Variants in CAMK2D observed in about 807,000 individuals in gnomAD.
The protein encoded by CAMK2D is calcium/calmodulin dependent protein kinase II delta, also known as calcium/calmodulin-dependent protein kinase type II subunit delta.
In CAMK2D, 37 loss-of-function variants were observed where a neutral mutation model predicts 84.0. The ratio of observed to expected loss-of-function variants is 0.44; its 90% CI spans 0.34 to 0.58. CAMK2D has a LOEUF of 0.58. CAMK2D is among the 20% of genes least tolerant of loss of function. CAMK2D has a pLI of 0.02. For missense variants in CAMK2D, 448 were observed against 652.5 expected (o/e 0.69, Z 3.41); for synonymous variants, 202 against 212.5 (o/e 0.95, Z 0.43).
intron 16 of CAMK2D, among the ~76,000 whole-genome samples, chr4:113,477,166 C>G (rs968724904): frequency 9.9e-5 from 15 of 152,116 alleles, no homozygotes; most frequent in Non-Finnish European, 2.2e-4. Flanking sequence ...TTGGGCTGTA[C>G]CCATGTGAAT....
chr4:113,549,765 C>G (rs1037919307), intron 5 of CAMK2D, among the ~76,000 whole-genome samples: 4 of 152,172 alleles, frequency 2.6e-5, no homozygotes, highest in African/African-American at 9.6e-5. Flanking sequence ...TAATATTATT[C>G]TAAAGAAAAA....
intron 2 of CAMK2D, among the ~76,000 whole-genome samples, chr4:113,751,265 A>G (rs1436606837): frequency 6.6e-6 from 1 of 152,168 alleles, no homozygotes; most frequent in Non-Finnish European, 1.5e-5. Flanking sequence ...TATCCAGAAC[A>G]TTGCCTCAAA....
intron 3 of CAMK2D, among the ~76,000 whole-genome samples, chr4:113,618,704 T>C (rs1005794062): frequency 1.3e-5 from 2 of 152,180 alleles, no homozygotes; most frequent in African/African-American, 4.8e-5. Context: ...TTCTCCTGGA[T>C]AATACATGCA....
intron 2 of CAMK2D, among the ~76,000 whole-genome samples, chr4:113,719,622 T>C (rs2148598007): frequency 6.6e-6 from 1 of 152,302 alleles, no homozygotes; most frequent in East Asian, 1.9e-4. Flanking sequence ...ACTAGCTAAA[T>C]ACGTATGATT....
In CAMK2D at chr4:113,744,077, C is replaced by T. The variant is rs140544155; in HGVS notation, c.160+15243G>A. ...AGATGGTCTGGATCTCCTGACCTCG[C>T]GATCCGCCCACCTAGGCCTCCCAAA... On this transcript the variant is annotated intron_variant, in intron 2 of 20. Transcript: ENST00000511664. Among the ~76,000 whole-genome samples the T allele has an allele frequency of 1.5e-3, 233 of 152,146 alleles. 7 individuals carry two copies. In the East Asian group the frequency reaches 0.037, roughly 24 times the overall value.
chr4:113,747,045 C>T (rs1442440900), intron 2 of CAMK2D, among the ~76,000 whole-genome samples: 1 of 150,380 alleles, frequency 6.6e-6, no homozygotes, highest in African/African-American at 2.4e-5. Flanking sequence ...ACAAGGCAAG[C>T]AGTCCTCAAA....
chr4:113,731,700 C>T (rs2099569426), intron 2 of CAMK2D, among the ~76,000 whole-genome samples: 1 of 151,990 alleles, frequency 6.6e-6, no homozygotes, highest in Non-Finnish European at 1.5e-5. Flanking sequence ...ATTCCCCTGC[C>T]TCAGCCTCCT....
chr4:113,745,270 T>C (rs1232538035), intron 2 of CAMK2D, among the ~76,000 whole-genome samples: 1 of 152,230 alleles, frequency 6.6e-6, no homozygotes, highest in African/African-American at 2.4e-5. Flanking sequence ...TCCCTAAACA[T>C]TGATACTTTC....
intron 16 of CAMK2D, among the ~76,000 whole-genome samples, chr4:113,473,725 A>G (rs2097573028): frequency 6.6e-6 from 1 of 152,230 alleles, no homozygotes; most frequent in South Asian, 2.1e-4. Flanking sequence ...TAACTGGGGA[A>G]GAAGTAATAT....
At chr4:113,490,216 C>T (rs1211452277) in intron 16 of CAMK2D, among the ~76,000 whole-genome samples, 7 of 147,692 alleles carry the variant, frequency 4.7e-5, no homozygotes, top group Non-Finnish European at 8.9e-5. Flanking sequence ...AAGTCCTTGC[C>T]CATGCTTATG....
intron 4 of CAMK2D, among the ~76,000 whole-genome samples, chr4:113,578,527 T>C (rs559632647): frequency 6.6e-6 from 1 of 152,328 alleles, no homozygotes; most frequent in South Asian, 2.1e-4. Context: ...ATTGGGTTCA[T>C]ATCAGTTCAA....
intron 4 of CAMK2D, among the ~76,000 whole-genome samples, chr4:113,560,275 TA>T (rs1181291455): frequency 6.6e-6 from 1 of 152,140 alleles, no homozygotes; most frequent in South Asian, 2.1e-4. Context: ...CATGGAGAGT[TA>T]AACTTTGTCA....
chr4:113,597,280 A>C (rs1280157912), intron 4 of CAMK2D, among the ~76,000 whole-genome samples: 1 of 152,252 alleles, frequency 6.6e-6, no homozygotes, highest in Non-Finnish European at 1.5e-5. Context: ...CTCCAATAGA[A>C]GATTGTTCCA....
At chr4:113,757,776 T>G (rs1357387901) in intron 2 of CAMK2D, among the ~76,000 whole-genome samples, 3 of 152,164 alleles carry the variant, frequency 2.0e-5, no homozygotes, top group Admixed American at 2.0e-4. Flanking sequence ...CAAAGAAGGC[T>G]TCTTCTCCAC....
At chr4:113,560,892 A>G (rs1182959417) in intron 4 of CAMK2D, among the ~76,000 whole-genome samples, 1 of 152,224 alleles carries the variant, frequency 6.6e-6, no homozygotes, top group Admixed American at 6.5e-5. Flanking sequence ...TGAAGAGGAA[A>G]AAATAGTCTC....
chr4:113,460,319 G>C, intron 17 of CAMK2D, 78 bp from the exon 18 acceptor site: 1 of 828,212 alleles, frequency 1.2e-6, no homozygotes, highest in Non-Finnish European at 2.0e-6. Context: ...TAAACATTCT[G>C]ATTTACCAGT....
At chr4:113,478,160 G>T (rs1290948679) in intron 16 of CAMK2D, among the ~76,000 whole-genome samples, 1 of 152,044 alleles carries the variant, frequency 6.6e-6, no homozygotes, top group East Asian at 1.9e-4. Flanking sequence ...GTTTCAGAGA[G>T]GATGACTACT....
intron 8 of CAMK2D, among the ~76,000 whole-genome samples, chr4:113,519,510 C>A (rs1302994159): frequency 6.6e-6 from 1 of 150,986 alleles, no homozygotes; most frequent in East Asian, 2.0e-4. Context: ...CACTTTTAGG[C>A]CCAAAGACTT....
intron 3 of CAMK2D, among the ~76,000 whole-genome samples, chr4:113,628,427 G>T (rs2099076442): frequency 6.6e-6 from 1 of 152,098 alleles, no homozygotes; most frequent in Admixed American, 6.6e-5. Context: ...ACATTAATGT[G>T]AAAATTATAT....
Sources: gnomAD v4.1 joint callset for allele counts (sites outside exome capture counted in the v4.1 genomes callset) on GRCh38, gnomAD v4.1.1 for gene constraint, MANE v1.5 for transcripts, NCBI Gene and HGNC (gene_info 2026-07-23, HGNC 2026-07-21) for gene names.